The following XKR4 variants were observed in gnomAD, a reference collection of about 807,000 sequenced individuals.
XKR4 encodes XK related 4, also known as XK-related protein 4.
Under a neutral mutation model 53.9 loss-of-function variants are expected in XKR4, and 12 were observed. That is an observed-to-expected ratio of 0.22 (90% confidence interval 0.14 to 0.36). The LOEUF (loss-of-function observed/expected upper bound fraction) is 0.36. XKR4 is among the 10% of genes least tolerant of loss of function. XKR4 has a pLI of 1.00. For synonymous variants in XKR4, 354 were observed against 362.4 expected (o/e 0.98, Z 0.26); for missense variants, 799 against 859.5 (o/e 0.93, Z 0.88).
chr8:55,245,814 G>A (rs1006623104), intron 1 of XKR4, among the ~76,000 whole-genome samples: 3 of 152,110 alleles, frequency 2.0e-5, no homozygotes, highest in African/African-American at 7.2e-5. Context: ...CCCAATGTAG[G>A]CTGGGTGCCA....
At chr8:55,296,170 C>T (rs773952131) in intron 1 of XKR4, among the ~76,000 whole-genome samples, 27 of 152,114 alleles carry the variant, frequency 1.8e-4, no homozygotes, top group Non-Finnish European at 3.8e-4. Context: ...CTCTGTCCAA[C>T]AGCAACATAC....
At chr8:55,197,412 A>G (rs915307573) in intron 1 of XKR4, among the ~76,000 whole-genome samples, 3 of 152,198 alleles carry the variant, frequency 2.0e-5, no homozygotes, top group Non-Finnish European at 4.4e-5. Flanking sequence ...TTGCTACTTC[A>G]TGGACAAAAA....
rs908311869 is a variant in XKR4 at position 55,175,942 on chromosome 8, G to A, written c.806+72648G>A. ...ATTGTTGTTAGAAGAAATATGTTAA[G>A]TCATATAATGGTCAGTTTGCACTCT... is the stretch of plus-strand genomic sequence containing the variant. On this transcript the variant is annotated intron_variant, in intron 1 of 2. Coordinates refer to ENST00000327381, the MANE Select transcript of XKR4 (RefSeq NM_052898.2). Among the ~76,000 whole-genome samples the A allele has an allele frequency of 9.2e-5, 14 of 152,278 alleles. 1 individual carries two copies. Among genetic ancestry groups the A allele is most frequent in the Admixed American group, 8.5e-4 (13 of 15,302 alleles).
At chr8:55,185,085 T>C (rs1409750794) in intron 1 of XKR4, among the ~76,000 whole-genome samples, 1 of 152,242 alleles carries the variant, frequency 6.6e-6, no homozygotes, top group Non-Finnish European at 1.5e-5. Context: ...GCACATAAAC[T>C]GATCTGAGCC....
At chr8:55,194,675 G>T (rs1226698401) in intron 1 of XKR4, among the ~76,000 whole-genome samples, 1 of 152,108 alleles carries the variant, frequency 6.6e-6, no homozygotes, top group Non-Finnish European at 1.5e-5. Context: ...TCCTGCTAAG[G>T]CTTTCACAGT....
At chr8:55,460,922 G>A (rs1019786778) in intron 2 of XKR4, among the ~76,000 whole-genome samples, 2 of 152,202 alleles carry the variant, frequency 1.3e-5, no homozygotes, top group Non-Finnish European at 2.9e-5. Context: ...AGGTGGCAGC[G>A]AGGCTGGGGG....
intron 2 of XKR4, among the ~76,000 whole-genome samples, chr8:55,435,262 G>A (rs1383393843): frequency 2.6e-5 from 4 of 152,128 alleles, no homozygotes; most frequent in East Asian, 3.9e-4. Flanking sequence ...AGTTTGAATC[G>A]TTGCTCCTTA....
intron 1 of XKR4, among the ~76,000 whole-genome samples, chr8:55,318,380 G>A (rs1367745563): frequency 1.3e-5 from 2 of 152,188 alleles, no homozygotes; most frequent in African/African-American, 4.8e-5. Flanking sequence ...ATGTCAATGA[G>A]AGTTTGTTGA....
chr8:55,536,128 A>C lies in XKR4; in HGVS notation c.*11901A>C, dbSNP rs1213335287. ...CTAAACTGGGTTTACAAGCATTAGA[A>C]TCTTTCACTCATATTGTGAATCTCA... On this transcript the variant is annotated 3_prime_UTR_variant, in exon 3 of 3. Coordinates refer to ENST00000327381, the MANE Select transcript of XKR4 (RefSeq NM_052898.2). The C allele has an allele frequency of 6.6e-6, 1 of 152,226 alleles. No homozygotes were observed. Among genetic ancestry groups the C allele is most frequent in the Non-Finnish European group, 1.5e-5 (1 of 68,042 alleles). 9.4% of individuals were successfully genotyped at this position (152,226 alleles called of 1,614,324 possible).
chr8:55,405,542 T>G (rs1276367719), intron 2 of XKR4, among the ~76,000 whole-genome samples: 2 of 152,108 alleles, frequency 1.3e-5, no homozygotes, highest in Non-Finnish European at 2.9e-5. Context: ...AGAACAACAT[T>G]AAAACTTGTC....
chr8:55,336,053 A>C (rs1803454671), intron 1 of XKR4, among the ~76,000 whole-genome samples: 1 of 151,658 alleles, frequency 6.6e-6, no homozygotes, highest in South Asian at 2.1e-4. Flanking sequence ...AAAAAAAAAA[A>C]AAAAAAGAAA....
intron 1 of XKR4, chr8:55,161,493 G>A: frequency 2.2e-6 from 1 of 455,012 alleles, no homozygotes; most frequent in South Asian, 1.6e-5. Flanking sequence ...GTCCTTTATA[G>A]CCACCATCTG....
At chr8:55,338,388 A>AGAG (rs1803496247) in intron 1 of XKR4, among the ~76,000 whole-genome samples, 1 of 152,120 alleles carries the variant, frequency 6.6e-6, no homozygotes, top group African/African-American at 2.4e-5. Flanking sequence ...CCAGGGCACC[A>AGAG]GAGTAGGAGC....
chr8:55,410,782 A>G (rs1378798304), intron 2 of XKR4, among the ~76,000 whole-genome samples: 1 of 152,216 alleles, frequency 6.6e-6, no homozygotes, highest in African/African-American at 2.4e-5. Context: ...AAAATTTAAA[A>G]GTAGTACCTG....
chr8:55,217,006 G>A (rs949821438), intron 1 of XKR4, among the ~76,000 whole-genome samples: 7 of 151,998 alleles, frequency 4.6e-5, no homozygotes, highest in African/African-American at 1.7e-4. Flanking sequence ...ACTTTGGGAG[G>A]GTGAGGTGGG....
At chr8:55,121,817 G>C (rs937798444) in intron 1 of XKR4, among the ~76,000 whole-genome samples, 2 of 137,938 alleles carry the variant, frequency 1.4e-5, no homozygotes, top group African/African-American at 2.8e-5. Flanking sequence ...AAAAAGGCAC[G>C]GCACAAATAC....
chr8:55,296,896 A>C (rs1819109106), intron 1 of XKR4, among the ~76,000 whole-genome samples: 1 of 152,224 alleles, frequency 6.6e-6, no homozygotes. Context: ...ATTATACAAG[A>C]AAGAATAAGG....
intron 1 of XKR4, among the ~76,000 whole-genome samples, chr8:55,318,852 T>C (rs1803162318): frequency 6.6e-6 from 1 of 152,186 alleles, no homozygotes; most frequent in Non-Finnish European, 1.5e-5. Flanking sequence ...AGTTTCTCTA[T>C]TATCAGATGT....
intron 1 of XKR4, among the ~76,000 whole-genome samples, chr8:55,354,989 C>T (rs1294672472): frequency 4.6e-5 from 7 of 151,396 alleles, no homozygotes; most frequent in Admixed American, 1.3e-4. Flanking sequence ...CTGCAACCTC[C>T]GCCTCCTGGG....
Sources: gnomAD v4.1 joint callset for allele counts (sites outside exome capture counted in the v4.1 genomes callset) on GRCh38, gnomAD v4.1.1 for gene constraint, MANE v1.5 for transcripts, NCBI Gene and HGNC (gene_info 2026-07-23, HGNC 2026-07-21) for gene names.